The following KCNIP1 variants were observed in gnomAD, a reference collection of about 807,000 sequenced individuals.
The protein encoded by KCNIP1 is A-type potassium channel modulatory protein KCNIP1.
A neutral mutation model predicts 33.0 loss-of-function variants in KCNIP1; 18 were observed. The observed-to-expected ratio is 0.55, with a 90% CI of 0.38 to 0.81. The LOEUF is 0.81. KCNIP1 is among the 30% of genes least tolerant of loss of function. The pLI is 0.00. For missense variants in KCNIP1, 238 were observed against 271.6 expected (o/e 0.88, Z 0.87); for synonymous variants, 93 against 98.3 (o/e 0.95, Z 0.32).
At chr5:170,697,197 C>T (rs1397292091) in intron 1 of KCNIP1, among the ~76,000 whole-genome samples, 1 of 152,156 alleles carries the variant, frequency 6.6e-6, no homozygotes, top group East Asian at 1.9e-4. Flanking sequence ...GCCTGCACTA[C>T]ACCAGGGCCC....
In KCNIP1 at chr5:170,396,991, A is replaced by G. The variant is rs1164613494; in HGVS notation, c.88+43027A>G. Among the ~76,000 whole-genome samples, 5 of 152,348 alleles carry G rather than the reference A, an allele frequency of 3.3e-5. No individual in the cohort carries two copies. The East Asian group carries it at 9.6e-4, about 29-fold the overall frequency. ...ATACTTGTTTCTTTCAGAGCCTGCT[A>G]TCTGTCATGTGATGCTATACTACAG... On this transcript the variant is annotated intron_variant, in intron 1 of 7. Coordinates refer to the KCNIP1 transcript ENST00000377360.
chr5:170,379,986 T>A (rs1448449227), intron 1 of KCNIP1, among the ~76,000 whole-genome samples: 1 of 152,022 alleles, frequency 6.6e-6, no homozygotes, highest in Non-Finnish European at 1.5e-5. Flanking sequence ...TAGCTAAATT[T>A]AAAATTGAAA....
At chr5:170,437,185 A>G (rs1755885382) in intron 1 of KCNIP1, among the ~76,000 whole-genome samples, 1 of 152,184 alleles carries the variant, frequency 6.6e-6, no homozygotes, top group African/African-American at 2.4e-5. Context: ...TTCATAGAGA[A>G]GGACTTTCCT....
At chr5:170,525,822 AT>A (rs1459873347) in intron 1 of KCNIP1, among the ~76,000 whole-genome samples, 3 of 152,194 alleles carry the variant, frequency 2.0e-5, no homozygotes, top group Non-Finnish European at 4.4e-5. Flanking sequence ...TGACATCTCT[AT>A]TAGCCAAGGG....
chr5:170,682,141 G>A (rs1762373089), intron 1 of KCNIP1, among the ~76,000 whole-genome samples: 2 of 152,212 alleles, frequency 1.3e-5, no homozygotes, highest in Non-Finnish European at 2.9e-5. Context: ...AACTGAAAGT[G>A]GGAAGACCAG....
At chr5:170,387,529 G>T (rs367848632) in intron 1 of KCNIP1, among the ~76,000 whole-genome samples, 1 of 152,154 alleles carries the variant, frequency 6.6e-6, no homozygotes, top group East Asian at 1.9e-4. Flanking sequence ...CTATCGATCG[G>T]CAGAGGTGAC....
At chr5:170,706,054 C>T (rs1763247964) in intron 1 of KCNIP1, among the ~76,000 whole-genome samples, 1 of 152,142 alleles carries the variant, frequency 6.6e-6, no homozygotes, top group Non-Finnish European at 1.5e-5. Flanking sequence ...AAAACTATTA[C>T]CATGCTCTCT....
chr5:170,526,165 A>T (rs1411695872), intron 1 of KCNIP1, among the ~76,000 whole-genome samples: 1 of 152,098 alleles, frequency 6.6e-6, no homozygotes, highest in African/African-American at 2.4e-5. Flanking sequence ...GGCCATGCTC[A>T]TGTCACCCTC....
intron 1 of KCNIP1, among the ~76,000 whole-genome samples, chr5:170,386,585 G>T (rs1305800907): frequency 1.3e-5 from 2 of 152,114 alleles, no homozygotes; most frequent in Non-Finnish European, 2.9e-5. Context: ...CAGTTCTGTG[G>T]CAGGGCTAGC....
chr5:170,480,062 A>T (rs1015868441), intron 1 of KCNIP1, among the ~76,000 whole-genome samples: 3 of 152,262 alleles, frequency 2.0e-5, no homozygotes, highest in Non-Finnish European at 4.4e-5. Context: ...AAAAATGCAC[A>T]CAAAACGTCA....
intron 1 of KCNIP1, among the ~76,000 whole-genome samples, chr5:170,564,587 C>T (rs1211347596): frequency 3.3e-5 from 5 of 152,126 alleles, no homozygotes; most frequent in Admixed American, 1.3e-4. Flanking sequence ...GGATGTGGCC[C>T]GTGATCTATA....
At chr5:170,390,517 A>AAAAAAAAATATATAT in intron 1 of KCNIP1, among the ~76,000 whole-genome samples, 2 of 74,542 alleles carry the variant, frequency 2.7e-5, no homozygotes, top group African/African-American at 1.3e-4. Context: ...AAAAAAAACA[A>AAAAAAAAATATATAT]ATATATATAT....
At chr5:170,733,645 T>C (rs1341440097) in intron 6 of KCNIP1, among the ~76,000 whole-genome samples, 191 bp from the exon 7 acceptor site, 1 of 152,130 alleles carries the variant, frequency 6.6e-6, no homozygotes, top group Non-Finnish European at 1.5e-5. Flanking sequence ...GCTCAAAGTG[T>C]TGTAATCAGG....
intron 1 of KCNIP1, among the ~76,000 whole-genome samples, chr5:170,452,812 G>A (rs1441201421): frequency 2.6e-5 from 4 of 152,162 alleles, no homozygotes; most frequent in East Asian, 3.9e-4. Context: ...GAATTCAAAT[G>A]AGGCGACAAC....
chr5:170,407,087 A>G (rs980477727), intron 1 of KCNIP1, among the ~76,000 whole-genome samples: 1 of 152,204 alleles, frequency 6.6e-6, no homozygotes, highest in African/African-American at 2.4e-5. Context: ...ATTTTGAGGA[A>G]CTGACACTGG....
chr5:170,712,784 A>C (rs991942116), intron 1 of KCNIP1: 4 of 1,486,124 alleles, frequency 2.7e-6, no homozygotes, highest in Non-Finnish European at 2.8e-6. Context: ...GCCTCTCTCC[A>C]TTGACAATAA....
At chr5:170,527,125 C>G (rs1031149885) in intron 1 of KCNIP1, among the ~76,000 whole-genome samples, 2 of 152,148 alleles carry the variant, frequency 1.3e-5, no homozygotes, top group African/African-American at 4.8e-5. Context: ...CTTGGGTGAC[C>G]TTTCTCCATG....
intron 1 of KCNIP1, among the ~76,000 whole-genome samples, chr5:170,634,062 T>C (rs1030839600): frequency 6.6e-6 from 1 of 152,000 alleles, no homozygotes; most frequent in African/African-American, 2.4e-5. Flanking sequence ...CCAGCGGGAT[T>C]TGTTGACAGA....
Position 170,703,071 on chromosome 5 carries a change from C to T in KCNIP1, c.62-15687C>T, listed in dbSNP as rs142672278. ...ACCTATAGGTCTGTTCCATTCTCGA[C>T]ACACGTGATATTAGCAGCACGGTAC... On this transcript the variant is annotated intron_variant, in intron 1 of 7. Transcript: ENST00000328939. 1.9e-4 allele frequency among the ~76,000 whole-genome samples: 26 copies of T among 137,856 alleles called. 5 individuals are homozygous for T. The highest frequency in any genetic ancestry group is 7.0e-3 in the Middle Eastern group (2 of 286). The allele number at this position is 137,856 out of a possible 152,430, so 90.4% of individuals were successfully genotyped here.
Sources: gnomAD v4.1 joint callset for allele counts (sites outside exome capture counted in the v4.1 genomes callset) on GRCh38, gnomAD v4.1.1 for gene constraint, MANE v1.5 for transcripts, NCBI Gene and HGNC (gene_info 2026-07-23, HGNC 2026-07-21) for gene names.